Variants in SDHB observed in about 807,000 individuals in gnomAD.
The protein encoded by SDHB is succinate dehydrogenase [ubiquinone] iron-sulfur subunit, mitochondrial.
SDHB carries 21 observed loss-of-function variants against 39.7 expected under a neutral mutation model. The ratio of observed to expected loss-of-function variants is 0.53; its 90% CI spans 0.37 to 0.76. SDHB has a LOEUF of 0.76. Ranked by LOEUF, SDHB falls within the 30% of genes least tolerant of loss-of-function variation. SDHB has a pLI of 0.00. For synonymous variants in SDHB, 118 were observed against 117.0 expected (o/e 1.01, Z -0.06); for missense variants, 343 against 350.9 (o/e 0.98, Z 0.18).
In SDHB at chr1:17,019,678, A is replaced by C. The variant is rs76817210; in HGVS notation, c.766-720T>G. 2.5e-4 allele frequency among the ~76,000 whole-genome samples: 38 copies of C among 152,274 alleles called. No individual in the cohort carries two copies. In the East Asian group the frequency reaches 6.8e-3, roughly 27 times the overall value. The stretch of plus-strand genomic sequence containing the variant: ...GAAGGATAAGTCTACCCCCCTAAAA[A>C]AGTGTTGTGGAAAGAAAGAAGAAAA... On this transcript the variant is annotated intron_variant, in intron 7 of 7. Coordinates refer to ENST00000375499, the MANE Select transcript of SDHB (RefSeq NM_003000.3).
intron 2 of SDHB, among the ~76,000 whole-genome samples, chr1:17,034,606 C>T (rs1333061022): frequency 1.3e-5 from 2 of 152,126 alleles, no homozygotes; most frequent in Non-Finnish European, 2.9e-5. Flanking sequence ...TCTCAAACTC[C>T]TGACCTCAAG....
At chr1:17,038,987 A>AT (rs1316995875) in intron 2 of SDHB, among the ~76,000 whole-genome samples, 1 of 151,490 alleles carries the variant, frequency 6.6e-6, no homozygotes, top group Non-Finnish European at 1.5e-5. Flanking sequence ...GTATTTCTTT[A>AT]TTTTTTCTTG....
intron 2 of SDHB, among the ~76,000 whole-genome samples, chr1:17,036,900 T>C (rs987844071): frequency 6.6e-6 from 1 of 151,656 alleles, no homozygotes; most frequent in Non-Finnish European, 1.5e-5. Context: ...GCAATCCTCC[T>C]GCCTTGGCCT....
intron 1 of SDHB, among the ~76,000 whole-genome samples, chr1:17,049,644 G>GTTTTT (rs1570960889): frequency 5.9e-4 from 27 of 45,892 alleles, no homozygotes; most frequent in East Asian, 2.3e-3. Context: ...TAATCCCCTA[G>GTTTTT]TTCTTTTTTT....
intron 4 of SDHB, 67 bp downstream of exon 4, chr1:17,028,533 A>G (rs2078003782): frequency 6.4e-7 from 1 of 1,550,954 alleles, no homozygotes. Flanking sequence ...AAAAACTAAT[A>G]GCGTAACACA....
chr1:17,034,449 C>A (rs1446415366), intron 2 of SDHB, among the ~76,000 whole-genome samples: 2 of 152,066 alleles, frequency 1.3e-5, no homozygotes, highest in African/African-American at 4.8e-5. Flanking sequence ...GGTGCGATCT[C>A]GGCTCACTGC....
intron 4 of SDHB, 92 bp from the exon 5 acceptor site, chr1:17,027,957 G>GACT: frequency 1.3e-6 from 1 of 767,966 alleles, no homozygotes; most frequent in South Asian, 1.4e-5. Flanking sequence ...CTTGGACACT[G>GACT]ACTACTCGTC....
At chr1:17,036,197 C>G (rs765140852) in intron 2 of SDHB, among the ~76,000 whole-genome samples, 3 of 152,178 alleles carry the variant, frequency 2.0e-5, no homozygotes, top group Non-Finnish European at 4.4e-5. Context: ...CCACTGCCTC[C>G]TTAACAACAT....
chr1:17,034,814 C>A (rs1431904918), intron 2 of SDHB, among the ~76,000 whole-genome samples: 1 of 152,134 alleles, frequency 6.6e-6, no homozygotes, highest in Non-Finnish European at 1.5e-5. Flanking sequence ...TGTTTTAAAT[C>A]GAGACTTTTG....
At chr1:17,040,994 G>A (rs1161764886) in intron 2 of SDHB, among the ~76,000 whole-genome samples, 1 of 152,074 alleles carries the variant, frequency 6.6e-6, no homozygotes, top group Non-Finnish European at 1.5e-5. Flanking sequence ...GCTGGGCGTG[G>A]TGGTGCACGT....
chr1:17,053,845 G>T, intron 1 of SDHB, 103 bp downstream of exon 1: 2 of 836,270 alleles, frequency 2.4e-6, no homozygotes, highest in Non-Finnish European at 2.0e-6. Context: ...CCATCTCCCT[G>T]AGGCCTTGCC....
intron 5 of SDHB, among the ~76,000 whole-genome samples, chr1:17,027,116 T>C (rs759190634): frequency 1.2e-4 from 19 of 152,140 alleles, no homozygotes; most frequent in Non-Finnish European, 2.4e-4. Context: ...TCCACAAGTA[T>C]GCAGGGAGTA....
chr1:17,043,850 C>T (rs564122026), intron 2 of SDHB, among the ~76,000 whole-genome samples: 1 of 152,306 alleles, frequency 6.6e-6, no homozygotes, highest in African/African-American at 2.4e-5. Context: ...GGCTCACAAC[C>T]ACAAGGAACT....
At chr1:17,029,093 G>GTTTTTTTTTTTTTTTTTTT (rs746243819) in intron 3 of SDHB, among the ~76,000 whole-genome samples, 1 of 72,030 alleles carries the variant, frequency 1.4e-5, no homozygotes, top group Non-Finnish European at 2.4e-5. Flanking sequence ...AAATCAGCCT[G>GTTTTTTTTTTTTTTTTTTT]TTTTTTTTTT....
rs112904577 is a variant in SDHB at position 17,035,791 on chromosome 1, C to T, written c.201-2646G>A. Among the ~76,000 whole-genome samples, 393 of 151,994 alleles carry T rather than the reference C, an allele frequency of 2.6e-3. 1 individual carries two copies. Among genetic ancestry groups the T allele is most frequent in the African/African-American group, 9.1e-3 (377 of 41,484 alleles). On this transcript the variant is annotated intron_variant, in intron 2 of 7. Transcript: ENST00000375499. ...AGGAAAATTGCTTGAACCCCAGAGG[C>T]GGAGGTTGCAGTGAGCCGAGACCGC...
At chr1:17,041,581 G>T (rs1248045671) in intron 2 of SDHB, among the ~76,000 whole-genome samples, 1 of 152,076 alleles carries the variant, frequency 6.6e-6, no homozygotes, top group African/African-American at 2.4e-5. Flanking sequence ...GGAATCGCTT[G>T]AACCCGGGAG....
At position 17,028,583 on chromosome 1, in the gene SDHB, G is replaced by A. The variant is rs2101522881; in HGVS notation, c.423+17C>T. On this transcript the variant is annotated intron_variant, in intron 4 of 7. Transcript: ENST00000375499. ...CCATGCAAATAAAAACAAAACCAGA[G>A]AGATGCAGAAACTCACGGGAACAAG... 3.1e-6 allele frequency: 5 copies of A among 1,613,924 alleles called. No individual in the cohort carries two copies. Among genetic ancestry groups the A allele is most frequent in the Non-Finnish European group, 4.2e-6 (5 of 1,179,922 alleles).
rs767878021 is a variant in SDHB at position 17,027,869 on chromosome 1, T to C, written c.424-4A>G. 1 of 1,501,500 alleles carries C rather than the reference T, an allele frequency of 6.7e-7. No individual in the cohort carries two copies. The highest frequency in any genetic ancestry group is 1.1e-5 in the South Asian group (1 of 88,774). The allele number at this position is 1,501,500 out of a possible 1,614,324, so 93.0% of individuals were successfully genotyped here. ...GTGCATAGAAGTTGCTCAAATCCTGTGGTTAAGAGGAAGAAGAAGAAGAAG... is the reference window on the plus strand; with the variant it reads ...GTGCATAGAAGTTGCTCAAATCCTGCGGTTAAGAGGAAGAAGAAGAAGAAG... On this transcript the variant is annotated splice_region_variant and splice_polypyrimidine_tract_variant and intron_variant, in intron 4 of 7. Coordinates refer to ENST00000375499, the MANE Select transcript of SDHB (RefSeq NM_003000.3).
At chr1:17,038,828 A>C (rs1442206626) in intron 2 of SDHB, among the ~76,000 whole-genome samples, 2 of 152,192 alleles carry the variant, frequency 1.3e-5, no homozygotes, top group Non-Finnish European at 2.9e-5. Flanking sequence ...AAATATACAC[A>C]CTGTGAAAAT....
Sources: gnomAD v4.1 joint callset for allele counts (sites outside exome capture counted in the v4.1 genomes callset) on GRCh38, gnomAD v4.1.1 for gene constraint, MANE v1.5 for transcripts, NCBI Gene and HGNC (gene_info 2026-07-23, HGNC 2026-07-21) for gene names.